ADAMTS7: variants seen among roughly 807,000 people sequenced by gnomAD.
ADAMTS7 encodes the protein A disintegrin and metalloproteinase with thrombospondin motifs 7.
ADAMTS7 carries 89 observed loss-of-function variants against 172.6 expected under a neutral mutation model. That is an observed-to-expected ratio of 0.52 (90% confidence interval 0.43 to 0.61). The LOEUF is 0.61. Ranked by LOEUF, ADAMTS7 falls within the 20% of genes least tolerant of loss-of-function variation. ADAMTS7 has a pLI of 0.00. For missense variants in ADAMTS7, 1,973 were observed against 2,355.6 expected (o/e 0.84, Z 3.36); for synonymous variants, 885 against 978.4 (o/e 0.90, Z 1.78).
intron 1 of ADAMTS7, among the ~76,000 whole-genome samples, chr15:78,800,883 G>T (rs1220769793): frequency 6.6e-6 from 1 of 152,144 alleles, no homozygotes; most frequent in East Asian, 1.9e-4. Flanking sequence ...TGGGACTACA[G>T]GCACACGCGA....
chr15:78,766,191 C>A lies in ADAMTS7; in HGVS notation c.3720G>T (p.Leu1240=). 1 of 1,611,734 alleles carries A rather than the reference C, an allele frequency of 6.2e-7. No homozygotes were observed. The highest frequency in any genetic ancestry group is 1.1e-5 in the South Asian group (1 of 90,994). ...PHLPPRPSST[L]PPLSPVGSTH... ...TGCTGCCAACAGGGGACAAAGGGGG[C>A]AGCGTGGAGCTGGGTCTCGGGGGCA... The change falls in exon 19 of 24, where the codon CTG becomes CTT. Residue 1240 remains leucine, a synonymous_variant. Transcript: ENST00000388820.
At chr15:78,796,892 CAG>C (rs2055653097) in intron 3 of ADAMTS7, 106 bp from the exon 4 acceptor site, 1 of 1,094,352 alleles carries the variant, frequency 9.1e-7, no homozygotes, top group Non-Finnish European at 1.3e-6. Flanking sequence ...GGGAACCACA[CAG>C]GGATCAGAGG....
In ADAMTS7 at chr15:78,798,121, A is replaced by G; in HGVS notation, c.457-8T>C. 1 of 1,546,350 alleles carries G rather than the reference A, an allele frequency of 6.5e-7. No homozygotes were observed. The highest frequency in any genetic ancestry group is 8.7e-7 in the Non-Finnish European group (1 of 1,154,602). On this transcript the variant is annotated splice_polypyrimidine_tract_variant and splice_region_variant and intron_variant, in intron 2 of 23. Coordinates refer to ENST00000388820, the MANE Select transcript of ADAMTS7 (RefSeq NM_014272.5). ...GAGCTGGAACACACCTTTCTGGGGA[A>G]GAAGCACCAGGGTCACACAGGGAGG...
In ADAMTS7 at chr15:78,771,506, G is replaced by A. The variant is rs761020793; in HGVS notation, c.2376+79C>T. On this transcript the variant is annotated intron_variant, in intron 15 of 23. Coordinates refer to ENST00000388820, the MANE Select transcript of ADAMTS7 (RefSeq NM_014272.5). The surrounding 1 kb of genome is among the most constrained non-coding windows in gnomAD (Gnocchi z 4.9). Reference sequence around the variant, plus strand: ...ACTGAACCAGGGCTCACTCCTCCAGGACGAGACCTGCCATGGAGGGTGCTG... The same window carrying A: ...ACTGAACCAGGGCTCACTCCTCCAGAACGAGACCTGCCATGGAGGGTGCTG... 1.5e-5 allele frequency: 23 copies of A among 1,543,196 alleles called. No homozygotes were observed. In the Admixed American group the frequency reaches 4.3e-4, roughly 29 times the overall value.
intron 8 of ADAMTS7, among the ~76,000 whole-genome samples, chr15:78,781,875 T>A (rs1023623080): frequency 6.6e-6 from 1 of 152,240 alleles, no homozygotes; most frequent in African/African-American, 2.4e-5. Context: ...GTGAAATGCT[T>A]ACTGTGTGGC....
intron 8 of ADAMTS7, among the ~76,000 whole-genome samples, chr15:78,782,176 G>A (rs4886591): frequency 0.35 from 53,119 of 151,656 alleles, 9,983 homozygotes; most frequent in Middle Eastern, 0.45. Context: ...GATTATAGGC[G>A]TGCACCACCA....
chr15:78,796,851 C>T, intron 3 of ADAMTS7, 65 bp from the exon 4 acceptor site: 1 of 1,442,626 alleles, frequency 6.9e-7, no homozygotes, highest in East Asian at 2.5e-5. Flanking sequence ...GTCTCCAGGG[C>T]CTCTCCTCAG....
intron 16 of ADAMTS7, among the ~76,000 whole-genome samples, chr15:78,768,666 G>A (rs559297438): frequency 6.6e-6 from 1 of 152,298 alleles, no homozygotes; most frequent in East Asian, 1.9e-4. Context: ...GCATGTGCAG[G>A]CTCAGCCCGT....
chr15:78,763,839 C>T lies in ADAMTS7; in HGVS notation c.4600G>A (p.Glu1534Lys), dbSNP rs948628888. ...WYTSSWRECS[E>K]ACGGGEQQRL... is the part of the protein sequence containing the mutation. Reference sequence around the variant, plus strand: ...TGCTGCTCACCACCGCCACAGGCCTCGGAGCACTGGGTGGGCAGGGAAGGA... The same window carrying T: ...TGCTGCTCACCACCGCCACAGGCCTTGGAGCACTGGGTGGGCAGGGAAGGA... Residue 1534 changes from glutamate to lysine, a missense_variant, in exon 22 of 24, where the codon GAG (glutamate) becomes AAG (lysine). By Grantham distance (56) the Glu-to-Lys change is moderately conservative. Around this residue, in one of 8 missense-constraint regions of ADAMTS7, gnomAD observed 218 missense variants for 216.9 expected, o/e 1.01. Transcript: ENST00000388820. 1.1e-5 allele frequency: 17 copies of T among 1,582,604 alleles called. 1 individual carries two copies. The highest frequency in any genetic ancestry group is 2.3e-4 in the Middle Eastern group (1 of 4,420).
intron 1 of ADAMTS7, among the ~76,000 whole-genome samples, chr15:78,805,310 G>C (rs1484817954): frequency 1.3e-5 from 2 of 152,194 alleles, no homozygotes; most frequent in Non-Finnish European, 2.9e-5. Context: ...CACAAATATT[G>C]AAAAACGTTT....
intron 1 of ADAMTS7, among the ~76,000 whole-genome samples, chr15:78,806,811 G>C (rs955391770): frequency 6.6e-6 from 1 of 152,088 alleles, no homozygotes; most frequent in African/African-American, 2.4e-5. Flanking sequence ...TTGTCCCCCA[G>C]GCTGGAGTAC....
chr15:78,787,351 AAAAAAAAAC>A (rs1365562901), intron 8 of ADAMTS7, among the ~76,000 whole-genome samples: 3 of 150,834 alleles, frequency 2.0e-5, no homozygotes, highest in Admixed American at 6.6e-5. Context: ...AAATTTGAAA[AAAAAAAAAC>A]AAAAAAACAC....
At chr15:78,808,780 G>A (rs1198915832) in intron 1 of ADAMTS7, among the ~76,000 whole-genome samples, 1 of 152,160 alleles carries the variant, frequency 6.6e-6, no homozygotes, top group African/African-American at 2.4e-5. Flanking sequence ...CAGTGGGATG[G>A]CAACAGGCAC....
chr15:78,770,048 A>G (rs2055220955), intron 16 of ADAMTS7, among the ~76,000 whole-genome samples: 2 of 152,114 alleles, frequency 1.3e-5, no homozygotes, highest in Non-Finnish European at 2.9e-5. Flanking sequence ...TGTAAATCCC[A>G]GCTACTCGGG....
In ADAMTS7 at chr15:78,764,593, G is replaced by A. The variant is rs1314095841; in HGVS notation, c.4381C>T (p.Arg1461Trp). 31 of 1,560,112 alleles carry A rather than the reference G, an allele frequency of 2.0e-5. No individual in the cohort carries two copies. The highest frequency in any genetic ancestry group is 9.3e-5 in the East Asian group (4 of 43,008). Reference sequence around the variant, plus strand: ...CCTGAGTGCCAGGTGGCACAGGGCCGCAGGTGGCAGCGGCGGGCAGGCTGG... The same window carrying A: ...CCTGAGTGCCAGGTGGCACAGGGCCACAGGTGGCAGCGGCGGGCAGGCTGG... ...RPQPARRCHLRPCATWHSGNW... is the reference protein window; with the variant it reads ...RPQPARRCHLWPCATWHSGNW... The change falls in exon 20 of 24, where the codon CGG becomes TGG. Residue 1461 changes from arginine to tryptophan, a missense_variant. Around this residue, in one of 8 missense-constraint regions of ADAMTS7, gnomAD observed 218 missense variants for 216.9 expected, o/e 1.01. Transcript: ENST00000388820.
At position 78,759,354 on chromosome 15, in the gene ADAMTS7, C is replaced by T. The variant is rs550849224; in HGVS notation, c.*67G>A. 1.4e-5 allele frequency: 20 copies of T among 1,481,390 alleles called. No homozygotes were observed. The highest frequency in any genetic ancestry group is 4.9e-5 in the East Asian group (2 of 40,962). The allele number at this position is 1,481,390 out of a possible 1,614,324, so 91.8% of individuals were successfully genotyped here. ...GTTAGCACCATTAGGGCGCAGGGGG[C>T]GGGAGCTCCGCCACAGCCCGTGGTG... is the stretch of plus-strand genomic sequence containing the variant. On this transcript the variant is annotated 3_prime_UTR_variant, in exon 24 of 24. Transcript: ENST00000388820.
At chr15:78,769,101 C>T (rs2055206569) in intron 16 of ADAMTS7, among the ~76,000 whole-genome samples, 4 of 152,182 alleles carry the variant, frequency 2.6e-5, no homozygotes. Flanking sequence ...CTCAGAGAAC[C>T]TCCGGACAAG....
chr15:78,768,280 C>T (rs760956228), intron 16 of ADAMTS7, 21 bp from the exon 17 acceptor site: 9 of 1,609,856 alleles, frequency 5.6e-6, no homozygotes, highest in Non-Finnish European at 7.6e-6. Flanking sequence ...CGGGGCTCAG[C>T]CTGGGACTGG....
chr15:78,776,328 A>G lies in ADAMTS7; in HGVS notation c.1566T>C (p.Cys522=). 1 of 1,611,374 alleles carries G rather than the reference A, an allele frequency of 6.2e-7. No individual in the cohort carries two copies. Among genetic ancestry groups the G allele is most frequent in the Non-Finnish European group, 8.5e-7 (1 of 1,179,568 alleles). The change falls in exon 11 of 24, where the codon TGT becomes TGC. Residue 522 remains cysteine (C), a synonymous_variant. Coordinates refer to ENST00000388820, the MANE Select transcript of ADAMTS7 (RefSeq NM_014272.5). ...CCACGGGTACGCACTCCCCACTGAG[A>G]CACCACTACTGAGACAGACGGAGGT... ...DGTRCGENKW[C]LSGECVPVGF... is the part of the protein sequence containing the mutation.
Sources: gnomAD v4.1 joint callset for allele counts (sites outside exome capture counted in the v4.1 genomes callset) on GRCh38, gnomAD v4.1.1 for gene constraint, gnomAD v4.1.1 regional missense constraint, Gnocchi (gnomAD v3.1) non-coding constraint, MANE v1.5 for transcripts, NCBI Gene and HGNC (gene_info 2026-07-23, HGNC 2026-07-21) for gene names.